Variants in IMMP2L observed in about 807,000 individuals in gnomAD.
IMMP2L encodes the protein mitochondrial inner membrane protease subunit 2.
A neutral mutation model predicts 19.3 loss-of-function variants in IMMP2L; 18 were observed. The observed-to-expected ratio is 0.93, with a 90% CI of 0.64 to 1.38. The LOEUF is 1.38. IMMP2L is among the 40% of genes most tolerant of loss of function. IMMP2L has a pLI of 0.00. For synonymous variants in IMMP2L, 76 were observed against 73.0 expected, an observed-to-expected ratio of 1.04 and a Z score of -0.21; for missense variants, 233 against 218.2, an observed-to-expected ratio of 1.07 and a Z score of -0.43.
chr7:111,469,727 C>G (rs371789781), intron 3 of IMMP2L, among the ~76,000 whole-genome samples: 5 of 152,204 alleles, frequency 3.3e-5, no homozygotes, highest in South Asian at 2.1e-4. Flanking sequence ...ATTAATTCAA[C>G]ATGGATTAAA....
intron 3 of IMMP2L, among the ~76,000 whole-genome samples, chr7:111,024,420 C>T (rs1037415981): frequency 2.0e-5 from 3 of 152,136 alleles, no homozygotes; most frequent in African/African-American, 7.2e-5. Flanking sequence ...CCTAGGAACT[C>T]CAAATGCCTT....
chr7:110,672,527 A>ATG (rs1462165340), intron 5 of IMMP2L, among the ~76,000 whole-genome samples: 1 of 152,052 alleles, frequency 6.6e-6, no homozygotes, highest in Non-Finnish European at 1.5e-5. Flanking sequence ...ATTAACCCAA[A>ATG]AGTCTAAGTC....
At chr7:111,500,527 C>A (rs1454556752) in intron 2 of IMMP2L, among the ~76,000 whole-genome samples, 1 of 152,190 alleles carries the variant, frequency 6.6e-6, no homozygotes, top group Admixed American at 6.5e-5. Context: ...GTCCCTGACT[C>A]CCAAGCAGCC....
At chr7:110,894,216 C>G (rs1585169273) in intron 4 of IMMP2L, among the ~76,000 whole-genome samples, 1 of 152,260 alleles carries the variant, frequency 6.6e-6, no homozygotes, top group East Asian at 1.9e-4. Flanking sequence ...AAGGCAGGAG[C>G]CTATAATACC....
At chr7:110,705,196 T>C (rs1794567522) in intron 5 of IMMP2L, among the ~76,000 whole-genome samples, 1 of 152,178 alleles carries the variant, frequency 6.6e-6, no homozygotes, top group East Asian at 1.9e-4. Flanking sequence ...GATGATCCAT[T>C]ACCAAAGATA....
intron 2 of IMMP2L, among the ~76,000 whole-genome samples, chr7:111,496,263 G>A (rs550452268): frequency 1.3e-4 from 20 of 152,198 alleles, no homozygotes; most frequent in African/African-American, 3.9e-4. Context: ...CTCACTAGGT[G>A]TGCATAATAA....
At chr7:110,747,008 A>G (rs564431140) in intron 5 of IMMP2L, among the ~76,000 whole-genome samples, 2 of 152,278 alleles carry the variant, frequency 1.3e-5, no homozygotes, top group African/African-American at 4.8e-5. Context: ...GACCACTAGC[A>G]AGACTAATAA....
intron 4 of IMMP2L, chr7:110,962,737 A>T: frequency 9.6e-7 from 1 of 1,041,684 alleles, no homozygotes; most frequent in Non-Finnish European, 1.2e-6. Context: ...TTTCAGTGAG[A>T]TTAGTTAATA....
chr7:111,186,832 T>A (rs1398458986), intron 3 of IMMP2L, among the ~76,000 whole-genome samples: 1 of 152,084 alleles, frequency 6.6e-6, no homozygotes, highest in Non-Finnish European at 1.5e-5. Flanking sequence ...CTGGAATTCA[T>A]GTATAAAGGA....
intron 3 of IMMP2L, among the ~76,000 whole-genome samples, chr7:111,469,717 A>G (rs563844143): frequency 1.3e-5 from 2 of 152,314 alleles, no homozygotes; most frequent in Non-Finnish European, 2.9e-5. Flanking sequence ...TTATACAAAA[A>G]TTAATTCAAC....
chr7:110,670,855 C>G (rs1259348318), intron 5 of IMMP2L, among the ~76,000 whole-genome samples: 1 of 152,136 alleles, frequency 6.6e-6, no homozygotes, highest in Non-Finnish European at 1.5e-5. Flanking sequence ...GAGAGAGATG[C>G]TAAAGTATAA....
At chr7:110,739,633 T>C (rs543941917) in intron 5 of IMMP2L, among the ~76,000 whole-genome samples, 3 of 152,278 alleles carry the variant, frequency 2.0e-5, no homozygotes, top group African/African-American at 7.2e-5. Context: ...AATACTCCAC[T>C]GACAGCACTA....
In IMMP2L at chr7:111,027,403, A is replaced by T. The variant is rs1020714135; in HGVS notation, c.240-63838T>A. Among the ~76,000 whole-genome samples, 10 of 152,286 alleles carry T rather than the reference A, an allele frequency of 6.6e-5. 2 individuals carry two copies. Among genetic ancestry groups the T allele is most frequent in the Admixed American group, 6.5e-4 (10 of 15,280 alleles). ...GTTCTTTGAATATCTAAAAATATTTAGTTCACTGAATTTCACAGATAAAAT... is the reference window on the plus strand; with the variant it reads ...GTTCTTTGAATATCTAAAAATATTTTGTTCACTGAATTTCACAGATAAAAT... On this transcript the variant is annotated intron_variant, in intron 3 of 5. Coordinates refer to ENST00000405709, the MANE Select transcript of IMMP2L (RefSeq NM_032549.4).
intron 5 of IMMP2L, among the ~76,000 whole-genome samples, chr7:110,789,574 A>T (rs1918753): frequency 6.6e-6 from 1 of 151,452 alleles, no homozygotes; most frequent in Non-Finnish European, 1.5e-5. Context: ...TAGAAAGAGT[A>T]CTTCTCTAAA....
intron 5 of IMMP2L, among the ~76,000 whole-genome samples, chr7:110,756,476 T>C (rs1321562316): frequency 6.6e-6 from 1 of 152,042 alleles, no homozygotes; most frequent in Non-Finnish European, 1.5e-5. Context: ...ATGGAAATAG[T>C]GTTTGTGCCT....
chr7:111,305,526 G>C (rs1563036978), intron 3 of IMMP2L, among the ~76,000 whole-genome samples: 1 of 150,604 alleles, frequency 6.6e-6, no homozygotes, highest in Non-Finnish European at 1.5e-5. Flanking sequence ...AGAGGCTGCA[G>C]TGCAGTGGCA....
intron 1 of IMMP2L, among the ~76,000 whole-genome samples, chr7:111,531,849 A>C (rs991759458): frequency 2.0e-5 from 3 of 152,172 alleles, no homozygotes; most frequent in African/African-American, 7.2e-5. Flanking sequence ...TTTTTCTTGA[A>C]GTAATAATAC....
intron 3 of IMMP2L, among the ~76,000 whole-genome samples, chr7:111,364,699 G>A (rs1292443800): frequency 1.3e-5 from 2 of 151,404 alleles, no homozygotes; most frequent in Non-Finnish European, 2.9e-5. Flanking sequence ...GGCCAGGCAC[G>A]GTGACTCACT....
At chr7:111,111,300 A>G (rs1262585941) in intron 3 of IMMP2L, among the ~76,000 whole-genome samples, 3 of 102,224 alleles carry the variant, frequency 2.9e-5, no homozygotes, top group Non-Finnish European at 5.3e-5. Context: ...TAGCAGTTGT[A>G]AAAAAAAAAA....
Sources: allele counts gnomAD v4.1 joint callset (sites outside exome capture counted in the v4.1 genomes callset), GRCh38; gene constraint gnomAD v4.1.1; transcripts MANE v1.5; gene names NCBI Gene and HGNC (gene_info 2026-07-23, HGNC 2026-07-21).